The following CSMD1 variants were observed in gnomAD, a reference collection of about 807,000 sequenced individuals.
CSMD1 encodes CUB and sushi domain-containing protein 1.
CSMD1 carries 213 observed loss-of-function variants against 417.5 expected under a neutral mutation model. The observed-to-expected ratio is 0.51, with a 90% CI of 0.46 to 0.57. The LOEUF (loss-of-function observed/expected upper bound fraction) is 0.57, where lower values mean the gene tolerates loss of function less well. Among genes scored for constraint, CSMD1 ranks in the 20% least tolerant of loss-of-function variants. The probability of loss-of-function intolerance (pLI) is 0.00; values close to 1 mark genes in which losing one functional copy is unlikely to be tolerated. For missense variants in CSMD1, 6,923 were observed against 4,529.7 expected (o/e 1.53, Z -15.17); for synonymous variants, 2,862 against 1,736.8 (o/e 1.65, Z -16.11).
chr8:4,569,547 T>C (rs1035638668), intron 2 of CSMD1, among the ~76,000 whole-genome samples: 8 of 152,116 alleles, frequency 5.3e-5, no homozygotes, highest in African/African-American at 1.9e-4. Context: ...GTTACTCTTG[T>C]CTTGTAATAT....
chr8:3,286,438 C>A (rs1803164609), intron 25 of CSMD1, among the ~76,000 whole-genome samples: 1 of 152,140 alleles, frequency 6.6e-6, no homozygotes, highest in Non-Finnish European at 1.5e-5. Context: ...TTTACAGTCC[C>A]ACCAAGAGTG....
intron 30 of CSMD1, among the ~76,000 whole-genome samples, chr8:3,206,115 T>A (rs752357432): frequency 6.6e-6 from 1 of 152,128 alleles, no homozygotes; most frequent in African/African-American, 2.4e-5. Context: ...AAAAGCAACA[T>A]GCATAATTAC....
chr8:4,746,976 G>C (rs962934268), intron 1 of CSMD1, among the ~76,000 whole-genome samples: 1 of 152,146 alleles, frequency 6.6e-6, no homozygotes, highest in Non-Finnish European at 1.5e-5. Flanking sequence ...GGAAGAACAG[G>C]AATAATTTCT....
At chr8:3,382,816 A>C (rs1810721161) in intron 18 of CSMD1, among the ~76,000 whole-genome samples, 1 of 151,908 alleles carries the variant, frequency 6.6e-6, no homozygotes, top group Non-Finnish European at 1.5e-5. Flanking sequence ...CATCTTTAAT[A>C]GAATAACTTT....
intron 48 of CSMD1, among the ~76,000 whole-genome samples, chr8:3,088,332 T>A (rs1814687217): frequency 6.6e-6 from 1 of 152,232 alleles, no homozygotes; most frequent in Non-Finnish European, 1.5e-5. Context: ...CAGATGAATT[T>A]AAACAATACA....
chr8:4,348,027 A>G (rs904787377), intron 3 of CSMD1, among the ~76,000 whole-genome samples: 2 of 152,184 alleles, frequency 1.3e-5, no homozygotes, highest in East Asian at 3.9e-4. Context: ...ATAAAGAGGA[A>G]AAAAACAGAT....
intron 3 of CSMD1, among the ~76,000 whole-genome samples, chr8:4,341,575 A>T (rs1349188806): frequency 6.6e-6 from 1 of 152,124 alleles, no homozygotes; most frequent in East Asian, 1.9e-4. Flanking sequence ...GAGAAGAAAT[A>T]CTAACGTTCT....
At chr8:3,955,181 C>G (rs1452476345) in intron 5 of CSMD1, among the ~76,000 whole-genome samples, 1 of 152,200 alleles carries the variant, frequency 6.6e-6, no homozygotes, top group African/African-American at 2.4e-5. Flanking sequence ...TCCTCCACCA[C>G]CCGTGACCAC....
At chr8:3,252,264 A>G (rs1448297427) in intron 26 of CSMD1, among the ~76,000 whole-genome samples, 2 of 152,224 alleles carry the variant, frequency 1.3e-5, no homozygotes, top group African/African-American at 4.8e-5. Flanking sequence ...GAGAGTTTTT[A>G]GAATGAAGGG....
rs1808446676 is a variant in CSMD1, at chr8:4,947,465, G to A, written c.85+46867C>T. On this transcript the variant is annotated intron_variant, in intron 1 of 69. Coordinates refer to ENST00000635120, the MANE Select transcript of CSMD1 (RefSeq NM_033225.6). ...AATGTCAATATTTGACTTGTCATCT[G>A]TCCAGATCATCAACAATGAGAAAAT... 2.6e-5 allele frequency among the ~76,000 whole-genome samples: 4 copies of A among 152,076 alleles called. No homozygotes were observed. In the South Asian group the frequency reaches 6.2e-4, roughly 24 times the overall value.
chr8:3,159,095 C>G (rs1819721343), intron 38 of CSMD1, among the ~76,000 whole-genome samples: 1 of 152,154 alleles, frequency 6.6e-6, no homozygotes, highest in Admixed American at 6.5e-5. Flanking sequence ...GGCATTGACA[C>G]TCTCTGTATC....
chr8:4,770,487 A>G (rs777970318), intron 1 of CSMD1, among the ~76,000 whole-genome samples: 3 of 151,464 alleles, frequency 2.0e-5, no homozygotes, highest in Non-Finnish European at 2.9e-5. Flanking sequence ...GTGGAACCCT[A>G]AAAGACCTCA....
At chr8:4,063,596 T>G (rs1015631845) in intron 3 of CSMD1, among the ~76,000 whole-genome samples, 1 of 152,188 alleles carries the variant, frequency 6.6e-6, no homozygotes, top group African/African-American at 2.4e-5. Flanking sequence ...ACTGACAAGG[T>G]GCCACGTACG....
intron 1 of CSMD1, among the ~76,000 whole-genome samples, chr8:4,669,244 C>CAT (rs1805143262): frequency 6.6e-6 from 1 of 152,142 alleles, no homozygotes; most frequent in African/African-American, 2.4e-5. Flanking sequence ...GGGGGCTAGA[C>CAT]ATATTTACTA....
chr8:3,298,078 T>C (rs1804105373), intron 25 of CSMD1, among the ~76,000 whole-genome samples: 1 of 152,086 alleles, frequency 6.6e-6, no homozygotes, highest in African/African-American at 2.4e-5. Context: ...GAAAAAACAA[T>C]CAATCCCATT....
chr8:3,757,232 A>G (rs931257397), intron 5 of CSMD1, among the ~76,000 whole-genome samples: 1 of 152,170 alleles, frequency 6.6e-6, no homozygotes, highest in African/African-American at 2.4e-5. Context: ...GAACAATGAT[A>G]GTTTTGTGTC....
chr8:2,990,779 G>A (rs1042745797), intron 54 of CSMD1, among the ~76,000 whole-genome samples: 26 of 152,152 alleles, frequency 1.7e-4, no homozygotes, highest in Admixed American at 1.6e-3. Context: ...TAATCCCCAT[G>A]TATTTGTTCA....
intron 5 of CSMD1, among the ~76,000 whole-genome samples, chr8:3,902,114 G>C (rs906991121): frequency 3.9e-5 from 6 of 152,102 alleles, no homozygotes; most frequent in Non-Finnish European, 7.3e-5. Flanking sequence ...ACATTGCTAA[G>C]CCTTAATATG....
At chr8:3,741,795 C>T (rs987943201) in intron 6 of CSMD1, among the ~76,000 whole-genome samples, 16 of 152,086 alleles carry the variant, frequency 1.1e-4, no homozygotes, top group African/African-American at 3.9e-4. Context: ...TCTCTATGAC[C>T]CTCCATGGCC....
Sources: allele counts gnomAD v4.1 joint callset (sites outside exome capture counted in the v4.1 genomes callset), GRCh38; gene constraint gnomAD v4.1.1; transcripts MANE v1.5; gene names NCBI Gene and HGNC (gene_info 2026-07-23, HGNC 2026-07-21).